GPM6A: variants seen among roughly 807,000 people sequenced by gnomAD.
GPM6A encodes the protein neuronal membrane glycoprotein M6-a.
In GPM6A, 7 loss-of-function variants were observed where a neutral mutation model predicts 32.1. That is an observed-to-expected ratio of 0.22 (90% CI 0.12 to 0.41). The LOEUF (loss-of-function observed/expected upper bound fraction) is 0.41, where lower values mean the gene tolerates loss of function less well. GPM6A is among the 10% of genes least tolerant of loss of function. GPM6A has a pLI of 1.00. For missense variants in GPM6A, 235 were observed against 347.2 expected (o/e 0.68, Z 2.57); for synonymous variants, 130 against 123.4 (o/e 1.05, Z -0.35).
intron 4 of GPM6A, among the ~76,000 whole-genome samples, chr4:175,647,342 T>A (rs1023939847): frequency 1.3e-5 from 2 of 152,136 alleles, no homozygotes; most frequent in Non-Finnish European, 2.9e-5. Flanking sequence ...ATCTAATACA[T>A]CCAATGTAAT....
chr4:175,961,763 C>G (rs894432047), intron 1 of GPM6A, among the ~76,000 whole-genome samples: 3 of 152,140 alleles, frequency 2.0e-5, no homozygotes, highest in African/African-American at 7.2e-5. Flanking sequence ...CTCAGCAAGA[C>G]CTACCCTCAA....
intron 1 of GPM6A, among the ~76,000 whole-genome samples, chr4:175,822,555 G>A (rs1468368871): frequency 6.6e-6 from 1 of 151,988 alleles, no homozygotes; most frequent in Non-Finnish European, 1.5e-5. Flanking sequence ...ATAAACATAT[G>A]CATTGAAACA....
chr4:175,713,090 G>C (rs886846886), intron 1 of GPM6A, among the ~76,000 whole-genome samples: 4 of 152,168 alleles, frequency 2.6e-5, no homozygotes, highest in Non-Finnish European at 5.9e-5. Context: ...GATGAGTAAG[G>C]ATATTTCAAA....
chr4:175,710,696 C>T (rs1745478277), intron 1 of GPM6A, among the ~76,000 whole-genome samples: 1 of 152,150 alleles, frequency 6.6e-6, no homozygotes, highest in Admixed American at 6.5e-5. Flanking sequence ...ACCAAATTCT[C>T]AGGAGACATA....
Position 175,817,454 on chromosome 4 carries a change from C to T in GPM6A, c.-22-5205G>A, listed in dbSNP as rs539581513. Among the ~76,000 whole-genome samples, 12 of 152,320 alleles carry T rather than the reference C, an allele frequency of 7.9e-5. No homozygotes were observed. In the East Asian group the frequency reaches 1.5e-3, roughly 20 times the overall value. ...GCGTAGGACAGACCAAATATCACAACGCTGAATGACAAGTGCTACCAAATA... is the reference window on the plus strand; with the variant it reads ...GCGTAGGACAGACCAAATATCACAATGCTGAATGACAAGTGCTACCAAATA... On this transcript the variant is annotated intron_variant, in intron 1 of 7. Transcript: ENST00000280187.
intron 2 of GPM6A, among the ~76,000 whole-genome samples, chr4:175,676,360 T>A (rs1039423369): frequency 3.9e-5 from 6 of 152,158 alleles, no homozygotes; most frequent in African/African-American, 1.4e-4. Flanking sequence ...TTTTGACATC[T>A]CTACTAGAAT....
intron 1 of GPM6A, among the ~76,000 whole-genome samples, chr4:175,884,273 C>A (rs73871246): frequency 0.016 from 2,379 of 152,288 alleles, 58 homozygotes; most frequent in African/African-American, 0.054. Flanking sequence ...TCGTTAGATT[C>A]ATTGTCTTCT....
intron 1 of GPM6A, among the ~76,000 whole-genome samples, chr4:175,779,499 C>T (rs17062006): frequency 0.055 from 8,350 of 152,068 alleles, 757 homozygotes; most frequent in African/African-American, 0.19. Context: ...AAGCGGGTTT[C>T]GTATGGGGCA....
chr4:175,674,482 T>C (rs1197787808), intron 2 of GPM6A, among the ~76,000 whole-genome samples: 2 of 152,214 alleles, frequency 1.3e-5, no homozygotes, highest in African/African-American at 4.8e-5. Flanking sequence ...CCTATTCATT[T>C]GTTAAGTAGG....
chr4:175,701,327 C>T (rs138407818), intron 2 of GPM6A, among the ~76,000 whole-genome samples: 8 of 152,140 alleles, frequency 5.3e-5, no homozygotes, highest in African/African-American at 9.7e-5. Context: ...AACCAAATTT[C>T]GAATACAACT....
At chr4:175,815,783 T>A (rs1009311875), upstream of GPM6A, among the ~76,000 whole-genome samples, 1 of 148,868 alleles carries the variant, frequency 6.7e-6, no homozygotes, top group Non-Finnish European at 1.5e-5. Flanking sequence ...AATGGCATGA[T>A]CTCAGCTCAC....
chr4:175,822,829 GC>G (rs1485807132), intron 1 of GPM6A, among the ~76,000 whole-genome samples: 2 of 151,812 alleles, frequency 1.3e-5, no homozygotes, highest in African/African-American at 2.4e-5. Context: ...CCCTCCCCTT[GC>G]CCCCAGCCTC....
intron 1 of GPM6A, among the ~76,000 whole-genome samples, chr4:175,886,261 A>G (rs1737452079): frequency 6.6e-6 from 1 of 152,186 alleles, no homozygotes; most frequent in African/African-American, 2.4e-5. Context: ...AAAGCAACTA[A>G]AGAAAAAATT....
chr4:175,782,511 T>C lies in GPM6A; in HGVS notation c.37+29680A>G, dbSNP rs536690165. Among the ~76,000 whole-genome samples the C allele has an allele frequency of 4.6e-5, 7 of 152,246 alleles. No individual in the cohort carries two copies. In the South Asian group the frequency reaches 1.4e-3, roughly 32 times the overall value. ...ATATCTCTAATATGTTTTTCAAAGA[T>C]GGAAATAATACTTTGTTCATCATTG... On this transcript the variant is annotated intron_variant, in intron 1 of 6. Transcript: ENST00000393658.
At chr4:175,902,850 A>T (rs1436383644) in intron 1 of GPM6A, among the ~76,000 whole-genome samples, 1 of 152,070 alleles carries the variant, frequency 6.6e-6, no homozygotes, top group Admixed American at 6.6e-5. Context: ...TGGCAATGGG[A>T]AAACGAAACT....
chr4:175,795,839 CT>C (rs2111288879), intron 1 of GPM6A: 1 of 152,390 alleles, frequency 6.6e-6, no homozygotes, highest in African/African-American at 2.4e-5. Context: ...ACCTTAGATC[CT>C]TTGCTCTGGA....
intron 1 of GPM6A, among the ~76,000 whole-genome samples, chr4:175,790,997 G>A (rs1733991254): frequency 6.6e-6 from 1 of 152,060 alleles, no homozygotes; most frequent in Non-Finnish European, 1.5e-5. Context: ...GTGTATGAGA[G>A]AGAGAGAATA....
In GPM6A at chr4:175,647,179, C is replaced by A. The variant is rs146069864; in HGVS notation, c.541+4655G>T. ...ATAAGAGGTAGGATTGGCTAAAAGT[C>A]TAAAAGAAGCCCCACCTACTTTCTC... On this transcript the variant is annotated intron_variant, in intron 4 of 6. Coordinates refer to ENST00000393658, the MANE Select transcript of GPM6A (RefSeq NM_201591.3). Among the ~76,000 whole-genome samples the A allele has an allele frequency of 6.2e-4, 95 of 152,292 alleles. No homozygotes were observed. The East Asian group carries it at 0.014, about 23-fold the overall frequency.
intron 1 of GPM6A, among the ~76,000 whole-genome samples, chr4:175,874,017 A>G (rs1281785802): frequency 1.3e-5 from 2 of 152,338 alleles, no homozygotes; most frequent in East Asian, 1.9e-4. Context: ...CATAAACTCC[A>G]GAAAATTGCA....
Sources: allele counts gnomAD v4.1 joint callset (sites outside exome capture counted in the v4.1 genomes callset), GRCh38; gene constraint gnomAD v4.1.1; transcripts MANE v1.5; gene names NCBI Gene and HGNC (gene_info 2026-07-23, HGNC 2026-07-21).